The following CTNND1 variants were observed in gnomAD, a reference collection of about 807,000 sequenced individuals.
CTNND1 encodes the protein catenin delta 1, also known as catenin delta-1.
In CTNND1, 16 loss-of-function variants were observed where a neutral mutation model predicts 112.1. The ratio of observed to expected loss-of-function variants is 0.14; its 90% CI spans 0.10 to 0.22. CTNND1 has a LOEUF of 0.22. CTNND1 is among the 10% of genes least tolerant of loss of function. CTNND1 has a pLI of 1.00. For missense variants in CTNND1, 1,008 were observed against 1,257.0 expected, an observed-to-expected ratio of 0.80 and a Z score of 3.00; for synonymous variants, 420 against 446.5, an observed-to-expected ratio of 0.94 and a Z score of 0.75.
rs1031077931 is a variant in CTNND1, at chr11:57,816,291, C to T, written c.2896-6C>T. 1.2e-6 allele frequency: 2 copies of T among 1,613,462 alleles called. No individual in the cohort carries two copies. Among genetic ancestry groups the T allele is most frequent in the African/African-American group, 2.7e-5 (2 of 74,856 alleles). Reference sequence around the variant, plus strand: ...AACATTCTCTCTTTCTCTTTTTTCTCCACAGCAGAAGATTTAGCACCACTA... The same window carrying T: ...AACATTCTCTCTTTCTCTTTTTTCTTCACAGCAGAAGATTTAGCACCACTA... On this transcript the variant is annotated splice_region_variant and splice_polypyrimidine_tract_variant and intron_variant, in intron 20 of 20. Coordinates refer to ENST00000399050, the MANE Select transcript of CTNND1 (RefSeq NM_001085458.2).
chr11:57,782,519 AC>A (rs1237003662), intron 1 of CTNND1, among the ~76,000 whole-genome samples: 1 of 152,240 alleles, frequency 6.6e-6, no homozygotes, highest in African/African-American at 2.4e-5. Flanking sequence ...AAAGTGATGA[AC>A]AAAAAATGGA....
At chr11:57,779,926 G>A (rs958711381) in intron 1 of CTNND1, among the ~76,000 whole-genome samples, 3 of 152,056 alleles carry the variant, frequency 2.0e-5, no homozygotes, top group African/African-American at 7.2e-5. Context: ...ATTGAGTAAG[G>A]TTTTGTTCTT....
chr11:57,784,699 T>C (rs1170782491), intron 1 of CTNND1, among the ~76,000 whole-genome samples: 1 of 151,988 alleles, frequency 6.6e-6, no homozygotes, highest in African/African-American at 2.4e-5. Context: ...AGAGATGGGG[T>C]TTCACCATGT....
chr11:57,765,245 C>T (rs1950768471), intron 1 of CTNND1, among the ~76,000 whole-genome samples: 1 of 152,056 alleles, frequency 6.6e-6, no homozygotes, highest in African/African-American at 2.4e-5. Flanking sequence ...TGTCTTATCT[C>T]TGTATCTTTT....
Position 57,796,975 on chromosome 11 carries a change from C to CA in CTNND1, c.939_940insA (p.Pro314ThrfsTer9). 1.4e-6 allele frequency: 2 copies of CA among 1,478,368 alleles called. No homozygotes were observed. Among genetic ancestry groups the CA allele is most frequent in the South Asian group, 1.5e-5 (1 of 68,372 alleles). 91.6% of individuals were successfully genotyped at this position (1,478,368 alleles called of 1,614,324 possible). On this transcript the variant is annotated frameshift_variant, in exon 6 of 21. Coordinates refer to ENST00000399050, the MANE Select transcript of CTNND1 (RefSeq NM_001085458.2). LOFTEE classifies it high-confidence loss of function. ...CCCGTCGGACTGGGACACCCTCTGACCCTCGTCGGCGCCTCAGGTAGGCAA... is the reference window on the plus strand; with the variant it reads ...CCCGTCGGACTGGGACACCCTCTGACACCTCGTCGGCGCCTCAGGTAGGCAA...
At chr11:57,795,795 G>A in intron 5 of CTNND1, 66 bp downstream of exon 5, 1 of 1,441,824 alleles carries the variant, frequency 6.9e-7, no homozygotes, top group Non-Finnish European at 9.1e-7. Flanking sequence ...TAGGGGAGGG[G>A]TTAAGCACTT....
intron 8 of CTNND1, among the ~76,000 whole-genome samples, chr11:57,804,333 G>T: frequency 6.6e-6 from 1 of 152,104 alleles, no homozygotes; most frequent in East Asian, 1.9e-4. Flanking sequence ...TATAAATGCT[G>T]CTATATAATC....
At chr11:57,778,660 T>C (rs1333747620) in intron 1 of CTNND1, among the ~76,000 whole-genome samples, 1 of 152,240 alleles carries the variant, frequency 6.6e-6, no homozygotes, top group African/African-American at 2.4e-5. Context: ...GGCCCGTGAT[T>C]GGTAGACAGG....
chr11:57,763,272 T>TAAA, intron 1 of CTNND1, among the ~76,000 whole-genome samples: 1 of 152,220 alleles, frequency 6.6e-6, no homozygotes, highest in East Asian at 1.9e-4. Context: ...TTCTCTTCTC[T>TAAA]TTTTGAAAAT....
In CTNND1 at chr11:57,794,135, C is replaced by T. The variant is rs1032660034; in HGVS notation, c.267+54C>T. The T allele has an allele frequency of 1.3e-5, 19 of 1,507,012 alleles. No homozygotes were observed. In the African/African-American group the frequency reaches 1.8e-4, roughly 14 times the overall value. 93.4% of individuals were successfully genotyped at this position (1,507,012 alleles called of 1,614,324 possible). On this transcript the variant is annotated intron_variant, in intron 4 of 20. Coordinates refer to ENST00000399050, the MANE Select transcript of CTNND1 (RefSeq NM_001085458.2). The stretch of plus-strand genomic sequence containing the variant: ...CTTCATTCATATTTTCTTATTTCCC[C>T]AGCCTATAAGAGCATATTTGTGTCT...
intron 2 of CTNND1, among the ~76,000 whole-genome samples, chr11:57,790,517 C>T (rs1396189670): frequency 1.4e-5 from 2 of 145,506 alleles, no homozygotes; most frequent in African/African-American, 2.5e-5. Context: ...TATAGGAGTA[C>T]GCCACCACAC....
chr11:57,794,434 T>C (rs2061117802), intron 4 of CTNND1, among the ~76,000 whole-genome samples: 1 of 151,918 alleles, frequency 6.6e-6, no homozygotes, highest in East Asian at 1.9e-4. Context: ...ATCTGAAGAG[T>C]AACATAAAGC....
At chr11:57,787,186 A>T (rs543310267) in intron 1 of CTNND1, among the ~76,000 whole-genome samples, 1 of 152,200 alleles carries the variant, frequency 6.6e-6, no homozygotes, top group African/African-American at 2.4e-5. Flanking sequence ...TAAGGCCTCA[A>T]ATACAGAATC....
Position 57,791,400 on chromosome 11 carries a change from T to A in CTNND1, c.-79T>A. On this transcript the variant is annotated 5_prime_UTR_variant, in exon 3 of 21. Coordinates refer to ENST00000399050, the MANE Select transcript of CTNND1 (RefSeq NM_001085458.2). ...TTCCCGGTAGTGTGAAGTGAGGGGG[T>A]CTCTCTCCCTCCTTCTCCTTCCTCT... 1 of 1,363,064 alleles carries A rather than the reference T, an allele frequency of 7.3e-7. No individual in the cohort carries two copies. Among genetic ancestry groups the A allele is most frequent in the African/African-American group, 1.5e-5 (1 of 66,052 alleles). 84.4% of individuals were successfully genotyped at this position (1,363,064 alleles called of 1,614,324 possible).
chr11:57,815,736 G>C, intron 19 of CTNND1, 179 bp from the exon 20 acceptor site: 2 of 772,090 alleles, frequency 2.6e-6, no homozygotes, highest in Non-Finnish European at 2.3e-6. Context: ...AACACTAACT[G>C]ATCTACTTTC....
chr11:57,791,565 G>A lies in CTNND1; in HGVS notation c.87G>A (p.Ala29=), dbSNP rs770149220. ...QEAQFEKLTR[A]LEEERRHVSA... ...CCCAGTTTGAGAAGCTGACCCGGGC[G>A]CTGGAGGAGGAACGGCGCCACGTCT... Residue 29 remains alanine, a synonymous_variant, in exon 3 of 21, where the codon GCG becomes GCA. Coordinates refer to ENST00000399050, the MANE Select transcript of CTNND1 (RefSeq NM_001085458.2). 2 of 1,610,952 alleles carry A rather than the reference G, an allele frequency of 1.2e-6. No individual in the cohort carries two copies. The highest frequency in any genetic ancestry group is 1.1e-5 in the South Asian group (1 of 90,504).
chr11:57,768,228 A>G (rs899854858), intron 1 of CTNND1, among the ~76,000 whole-genome samples: 1 of 151,972 alleles, frequency 6.6e-6, no homozygotes, highest in South Asian at 2.1e-4. Flanking sequence ...TAACTTTTAA[A>G]TTTTTTTAAT....
chr11:57,791,567 T>A lies in CTNND1; in HGVS notation c.89T>A (p.Leu30Gln). The change falls in exon 3 of 21, where the codon CTG (leucine) becomes CAG (glutamine). Residue 30 changes from leucine to glutamine, a missense_variant. Leu to Gln is a moderately radical substitution (Grantham distance 113). Coordinates refer to ENST00000399050, the MANE Select transcript of CTNND1 (RefSeq NM_001085458.2). ...EAQFEKLTRA[L>Q]EEERRHVSAQ... is the part of the protein sequence containing the mutation. The stretch of plus-strand genomic sequence containing the variant: ...CAGTTTGAGAAGCTGACCCGGGCGC[T>A]GGAGGAGGAACGGCGCCACGTCTCG... The A allele has an allele frequency of 6.2e-7, 1 of 1,611,248 alleles. No individual in the cohort carries two copies. Among genetic ancestry groups the A allele is most frequent in the Non-Finnish European group, 8.5e-7 (1 of 1,178,830 alleles).
intron 1 of CTNND1, among the ~76,000 whole-genome samples, chr11:57,768,087 G>A (rs560298586): frequency 6.6e-6 from 1 of 151,974 alleles, no homozygotes; most frequent in Admixed American, 6.6e-5. Flanking sequence ...CACCCACCTC[G>A]GCCTTCCAAA....
Sources: gnomAD v4.1 joint callset for allele counts (sites outside exome capture counted in the v4.1 genomes callset) on GRCh38, gnomAD v4.1.1 for gene constraint, MANE v1.5 for transcripts, NCBI Gene and HGNC (gene_info 2026-07-23, HGNC 2026-07-21) for gene names.